The following RNF19A variants were observed in gnomAD, a reference collection of about 807,000 sequenced individuals.
The protein encoded by RNF19A is E3 ubiquitin-protein ligase RNF19A.
A neutral mutation model predicts 75.7 loss-of-function variants in RNF19A; 32 were observed. The observed-to-expected ratio is 0.42, with a 90% CI of 0.32 to 0.57. The LOEUF is 0.57. Among genes scored for constraint, RNF19A ranks in the 20% least tolerant of loss-of-function variants. The pLI is 0.10. For synonymous variants in RNF19A, 335 were observed against 345.2 expected (o/e 0.97, Z 0.33); for missense variants, 782 against 1,036.3 (o/e 0.75, Z 3.37).
At chr8:100,309,408 G>A in intron 1 of RNF19A, 1 of 985,668 alleles carries the variant, frequency 1.0e-6, no homozygotes, top group Non-Finnish European at 1.2e-6. Flanking sequence ...CGTTAGAGCC[G>A]ATTTCACCCG....
At chr8:100,294,482 A>T (rs901187064) in intron 1 of RNF19A, among the ~76,000 whole-genome samples, 2 of 152,172 alleles carry the variant, frequency 1.3e-5, no homozygotes, top group Non-Finnish European at 2.9e-5. Context: ...TCTAGGGGAC[A>T]TCTAGATATC....
intron 2 of RNF19A, among the ~76,000 whole-genome samples, chr8:100,280,199 A>C (rs1307036434): frequency 6.6e-6 from 1 of 152,150 alleles, no homozygotes; most frequent in Admixed American, 6.6e-5. Context: ...ATTAACTAAA[A>C]ATTTCCATTT....
In RNF19A at chr8:100,287,430, G is replaced by C. The variant is rs1821077043; in HGVS notation, c.674+71C>G. ...TCCAGCATGTAAAAATTTTTCTTTT[G>C]AGTAATAGCAAATTATTTTATCCAC... On this transcript the variant is annotated intron_variant, in intron 2 of 9. Transcript: ENST00000341084. This position sits in a 1 kb window ranked among gnomAD's most constrained non-coding sequence, Gnocchi z 4.1. The C allele has an allele frequency of 6.8e-7, 1 of 1,476,676 alleles. No homozygotes were observed. The highest frequency in any genetic ancestry group is 2.3e-5 in the East Asian group (1 of 43,916). The allele number at this position is 1,476,676 out of a possible 1,614,324, so 91.5% of individuals were successfully genotyped here.
chr8:100,264,417 G>A lies in RNF19A; in HGVS notation c.1307-222C>T. 6.9e-6 allele frequency: 4 copies of A among 577,590 alleles called. No homozygotes were observed. The highest frequency in any genetic ancestry group is 4.9e-5 in the South Asian group (2 of 40,858). The allele number at this position is 577,590 out of a possible 1,614,324, so 35.8% of individuals were successfully genotyped here. On this transcript the variant is annotated intron_variant, in intron 6 of 9. Coordinates refer to ENST00000341084, the MANE Select transcript of RNF19A (RefSeq NM_183419.4). The surrounding 1 kb of genome is among the most constrained non-coding windows in gnomAD (Gnocchi z 4.7). ...CACATAAGGGGAAAAAGAGAGAGAT[G>A]CAAACTTTTTTCTTTTGAAGTGCCA...
Position 100,268,952 on chromosome 8 carries a change from C to A in RNF19A, c.1029-5G>T. The A allele has an allele frequency of 6.4e-7, 1 of 1,559,576 alleles. No homozygotes were observed. The highest frequency in any genetic ancestry group is 8.7e-7 in the Non-Finnish European group (1 of 1,150,682). On this transcript the variant is annotated splice_polypyrimidine_tract_variant and splice_region_variant and intron_variant, in intron 4 of 9. Transcript: ENST00000341084. The stretch of plus-strand genomic sequence containing the variant: ...CAAAAAGTACATCCTGATGGACTAA[C>A]GGAAAAAATTATAATGTAAATAACT...
intron 2 of RNF19A, among the ~76,000 whole-genome samples, chr8:100,281,033 C>T (rs1028881311): frequency 3.3e-5 from 5 of 152,180 alleles, no homozygotes; most frequent in Non-Finnish European, 5.9e-5. Context: ...AACTGAACAT[C>T]TCTGACTCAA....
At chr8:100,299,867 TC>T (rs1321473188) in intron 1 of RNF19A, among the ~76,000 whole-genome samples, 1 of 152,216 alleles carries the variant, frequency 6.6e-6, no homozygotes, top group Non-Finnish European at 1.5e-5. Context: ...AACAGTAGCA[TC>T]CCACCTCTCC....
At chr8:100,277,128 CTT>C (rs1820560024) in intron 2 of RNF19A, among the ~76,000 whole-genome samples, 1 of 152,166 alleles carries the variant, frequency 6.6e-6, no homozygotes, top group African/African-American at 2.4e-5. Context: ...CAATGCATGT[CTT>C]TTGTAAATAC....
In RNF19A at chr8:100,284,202, A is replaced by G. The variant is rs1287280412; in HGVS notation, c.674+3299T>C. Among the ~76,000 whole-genome samples, 1 of 152,200 alleles carries G rather than the reference A, an allele frequency of 6.6e-6. No individual in the cohort carries two copies. Among genetic ancestry groups the G allele is most frequent in the East Asian group, 1.9e-4 (1 of 5,206 alleles). ...GCATTAAAGATCTCACTTAATCCTTATAACAACAAGATAGGATAGGGACTC... is the reference window on the plus strand; with the variant it reads ...GCATTAAAGATCTCACTTAATCCTTGTAACAACAAGATAGGATAGGGACTC... On this transcript the variant is annotated intron_variant, in intron 2 of 9. Transcript: ENST00000341084. The surrounding 1 kb of genome is among the most constrained non-coding windows in gnomAD (Gnocchi z 4.3).
intron 1 of RNF19A, chr8:100,309,393 G>A (rs1822198192): frequency 2.0e-6 from 2 of 985,858 alleles, no homozygotes; most frequent in East Asian, 1.1e-4. Context: ...CCCGGAAATC[G>A]GTCCCGTTAG....
intron 2 of RNF19A, among the ~76,000 whole-genome samples, chr8:100,286,960 G>A (rs1299226507): frequency 6.6e-6 from 1 of 151,964 alleles, no homozygotes; most frequent in African/African-American, 2.4e-5. Context: ...AAAAACTTGA[G>A]GCAAATCCAA....
chr8:100,315,485 C>G (rs1317590643), intron 1 of RNF19A, among the ~76,000 whole-genome samples: 1 of 152,170 alleles, frequency 6.6e-6, no homozygotes, highest in Non-Finnish European at 1.5e-5. Context: ...AGTCTGGGGC[C>G]TTGTCCAGGG....
intron 1 of RNF19A, among the ~76,000 whole-genome samples, chr8:100,297,862 G>GT (rs988180863): frequency 2.0e-5 from 3 of 152,084 alleles, no homozygotes; most frequent in African/African-American, 7.2e-5. Context: ...GGGGGGAAAG[G>GT]TTTTTTAAAT....
chr8:100,259,007 G>T lies in RNF19A; in HGVS notation c.2066C>A (p.Thr689Lys). Reference protein sequence around the residue: ...RKKGNMKINETREDMDAQLLE... With the variant: ...RKKGNMKINEKREDMDAQLLE... Reference sequence around the variant, plus strand: ...CAACTGTGCATCCATGTCCTCTCTCGTCTCATTTATCTTCATGTTACCCTT... The same window carrying T: ...CAACTGTGCATCCATGTCCTCTCTCTTCTCATTTATCTTCATGTTACCCTT... Residue 689 changes from threonine (T) to lysine (K), a missense_variant, in exon 10 of 10, where the codon ACG (threonine) becomes AAG (lysine). Thr to Lys is a moderately conservative substitution (Grantham distance 78). Around this residue, in one of 7 missense-constraint regions of RNF19A, gnomAD observed 442 missense variants for 541.6 expected, o/e 0.82. Transcript: ENST00000341084. The surrounding 1 kb of genome is among the most constrained non-coding windows in gnomAD (Gnocchi z 4.5). 1 of 1,614,096 alleles carries T rather than the reference G, an allele frequency of 6.2e-7. No homozygotes were observed. Among genetic ancestry groups the T allele is most frequent in the South Asian group, 1.1e-5 (1 of 91,078 alleles).
chr8:100,319,052 A>C (rs1311097552), intron 1 of RNF19A, among the ~76,000 whole-genome samples: 1 of 152,196 alleles, frequency 6.6e-6, no homozygotes, highest in Non-Finnish European at 1.5e-5. Flanking sequence ...AAGCTGAATA[A>C]AGAAATTCAC....
At position 100,259,593 on chromosome 8, in the gene RNF19A, C is replaced by T. The variant is rs1616833; in HGVS notation, c.1826+261G>A. Among the ~76,000 whole-genome samples the T allele has an allele frequency of 0.54, 81,787 of 151,848 alleles. 22,942 individuals carry two copies. The highest frequency in any genetic ancestry group is 0.64 in the Admixed American group (9,752 of 15,272). On this transcript the variant is annotated intron_variant, in intron 9 of 9. Coordinates refer to ENST00000341084, the MANE Select transcript of RNF19A (RefSeq NM_183419.4). This position sits in a 1 kb window ranked among gnomAD's most constrained non-coding sequence, Gnocchi z 4.5. ...CTGTGCAACCATCACCACTACCTAA[C>T]TTCAGAACATTTTCATGATCCCAAA...
At position 100,261,419 on chromosome 8, in the gene RNF19A, A is replaced by T; in HGVS notation, c.1682+123T>A. ...GGCCCCAAATTTCATTTTTAACATT[A>T]CTATTTTGAACCTTGACATAGTAGG... On this transcript the variant is annotated intron_variant, in intron 8 of 9. Transcript: ENST00000341084. The surrounding 1 kb of genome is among the most constrained non-coding windows in gnomAD (Gnocchi z 4.4). The T allele has an allele frequency of 1.2e-6, 1 of 861,582 alleles. No homozygotes were observed. Among genetic ancestry groups the T allele is most frequent in the Non-Finnish European group, 1.8e-6 (1 of 549,088 alleles). 53.4% of individuals were successfully genotyped at this position (861,582 alleles called of 1,614,324 possible).
intron 1 of RNF19A, among the ~76,000 whole-genome samples, chr8:100,289,821 C>T (rs56088111): frequency 9.1e-4 from 139 of 152,150 alleles, no homozygotes; most frequent in Non-Finnish European, 1.4e-3. Flanking sequence ...TGTACACATA[C>T]ATTAAAAGAC....
chr8:100,264,261 T>G lies in RNF19A; in HGVS notation c.1307-66A>C. The G allele has an allele frequency of 7.3e-7, 1 of 1,374,280 alleles. No homozygotes were observed. Among genetic ancestry groups the G allele is most frequent in the South Asian group, 1.3e-5 (1 of 75,578 alleles). The allele number at this position is 1,374,280 out of a possible 1,614,324, so 85.1% of individuals were successfully genotyped here. ...AAAATAACTCACAGAAACATGAGTT[T>G]TAGAAAGTCTTTTCAAGAGAGTCAT... On this transcript the variant is annotated intron_variant, in intron 6 of 9. Coordinates refer to ENST00000341084, the MANE Select transcript of RNF19A (RefSeq NM_183419.4). The surrounding 1 kb of genome is among the most constrained non-coding windows in gnomAD (Gnocchi z 4.7).
Sources: allele counts gnomAD v4.1 joint callset (sites outside exome capture counted in the v4.1 genomes callset), GRCh38; gene constraint gnomAD v4.1.1; regional missense constraint gnomAD v4.1.1; non-coding constraint Gnocchi (gnomAD v3.1); transcripts MANE v1.5; gene names NCBI Gene and HGNC (gene_info 2026-07-23, HGNC 2026-07-21).